Variants in ATP9B observed in about 807,000 individuals in gnomAD.
The protein encoded by ATP9B is ATPase phospholipid transporting 9B.
Under a neutral mutation model 146.1 loss-of-function variants are expected in ATP9B, and 110 were observed. The ratio of observed to expected loss-of-function variants is 0.75; its 90% CI spans 0.65 to 0.88. The LOEUF is 0.88. Among genes scored for constraint, ATP9B ranks in the 40% least tolerant of loss-of-function variants. The probability of loss-of-function intolerance (pLI) is 0.00; values close to 1 mark genes in which losing one functional copy is unlikely to be tolerated. For synonymous variants in ATP9B, 604 were observed against 569.7 expected (o/e 1.06, Z -0.86); for missense variants, 1,499 against 1,496.4 (o/e 1.00, Z -0.03).
chr18:79,344,122 C>A, intron 20 of ATP9B, 143 bp from the exon 21 acceptor site: 2 of 737,296 alleles, frequency 2.7e-6, no homozygotes, highest in Non-Finnish European at 2.3e-6. Context: ...GACCTTCTTC[C>A]GGGTCCAAAT....
intron 26 of ATP9B, chr18:79,361,786 A>T: frequency 1.0e-6 from 1 of 985,458 alleles, no homozygotes; most frequent in South Asian, 4.7e-5. Flanking sequence ...TTGTCTGATG[A>T]TCGGGGCAGC....
At chr18:79,192,802 A>T (rs1027510600) in intron 8 of ATP9B, among the ~76,000 whole-genome samples, 5 of 152,190 alleles carry the variant, frequency 3.3e-5, no homozygotes, top group African/African-American at 1.2e-4. Flanking sequence ...AAACTGTTTT[A>T]TAAAACTTGT....
At chr18:79,329,370 A>G in intron 16 of ATP9B, 68 bp downstream of exon 16, 9 of 1,401,106 alleles carry the variant, frequency 6.4e-6, no homozygotes, top group Non-Finnish European at 8.4e-6. Flanking sequence ...TTAAACACAG[A>G]TTTTCCCAAA....
At chr18:79,141,144 C>G (rs1019570012) in intron 5 of ATP9B, among the ~76,000 whole-genome samples, 2 of 152,104 alleles carry the variant, frequency 1.3e-5, no homozygotes, top group Non-Finnish European at 2.9e-5. Flanking sequence ...GGAGTGGTTA[C>G]CCCCATGCTG....
chr18:79,256,286 T>TATATATATACACACAC (rs398033647), intron 12 of ATP9B, among the ~76,000 whole-genome samples: 5 of 123,066 alleles, frequency 4.1e-5, no homozygotes, highest in African/African-American at 1.6e-4. Context: ...TATATATATA[T>TATATATATACACACAC]ACATACATAG....
At position 79,134,508 on chromosome 18, in the gene ATP9B, C is replaced by T. The variant is rs115304178; in HGVS notation, c.667+8133C>T. ...CATGTGGTGAGCACTCAGTGAACTG[C>T]GGGAGTCAAGAAAGAAAGAAGTTCC... On this transcript the variant is annotated intron_variant, in intron 5 of 29. Coordinates refer to ENST00000426216, the MANE Select transcript of ATP9B (RefSeq NM_198531.5). Among the ~76,000 whole-genome samples the T allele has an allele frequency of 4.9e-3, 742 of 152,214 alleles. 4 individuals are homozygous for T. Among genetic ancestry groups the T allele is most frequent in the South Asian group, 0.024 (118 of 4,818 alleles).
intron 7 of ATP9B, among the ~76,000 whole-genome samples, chr18:79,175,698 C>T (rs1013298813): frequency 6.6e-6 from 1 of 152,172 alleles, no homozygotes; most frequent in African/African-American, 2.4e-5. Context: ...GTTATACATG[C>T]ATATTATACA....
intron 29 of ATP9B, 199 bp downstream of exon 29, chr18:79,375,625 C>T: frequency 1.0e-6 from 1 of 985,436 alleles, no homozygotes; most frequent in Non-Finnish European, 1.2e-6. Flanking sequence ...TGTTCAGGGG[C>T]TTGGTGGCCC....
At chr18:79,264,538 GT>G (rs11350505) in intron 12 of ATP9B, among the ~76,000 whole-genome samples, 64,980 of 150,018 alleles carry the variant, frequency 0.43, 14,197 homozygotes, top group Middle Eastern at 0.54. Flanking sequence ...AATATATGAG[GT>G]TTTTTTTTTG....
At chr18:79,319,361 G>A (rs1568669075) in intron 15 of ATP9B, among the ~76,000 whole-genome samples, 2 of 152,116 alleles carry the variant, frequency 1.3e-5, no homozygotes, top group African/African-American at 4.8e-5. Flanking sequence ...GTTCCCTAGG[G>A]GTCCCTGCCT....
At chr18:79,218,045 A>G (rs2095644099) in intron 11 of ATP9B, among the ~76,000 whole-genome samples, 3 of 152,220 alleles carry the variant, frequency 2.0e-5, no homozygotes, top group Admixed American at 1.3e-4. Context: ...ATCGGTCAGG[A>G]TAGGCTGAGT....
intron 13 of ATP9B, 147 bp downstream of exon 13, chr18:79,277,343 CCTCTA>C: frequency 1.0e-6 from 1 of 994,814 alleles, no homozygotes; most frequent in South Asian, 1.8e-5. Context: ...AATTTTTCAG[CCTCTA>C]CTCTTGAAAC....
intron 11 of ATP9B, among the ~76,000 whole-genome samples, chr18:79,249,345 T>G (rs1021741905): frequency 2.0e-5 from 3 of 152,202 alleles, no homozygotes; most frequent in African/African-American, 7.2e-5. Flanking sequence ...AAATTTTCCC[T>G]TGGAGATTAA....
intron 8 of ATP9B, among the ~76,000 whole-genome samples, chr18:79,183,763 G>C (rs1291518891): frequency 6.9e-6 from 1 of 145,914 alleles, no homozygotes; most frequent in Non-Finnish European, 1.5e-5. Flanking sequence ...ACCATTTTTG[G>C]GGGGAGTATT....
At chr18:79,123,583 A>G (rs974329880) in intron 4 of ATP9B, among the ~76,000 whole-genome samples, 7 of 152,164 alleles carry the variant, frequency 4.6e-5, no homozygotes, top group South Asian at 2.1e-4. Flanking sequence ...CCTAAAATCC[A>G]TATGAAAATG....
At chr18:79,156,431 G>T (rs906937091) in intron 7 of ATP9B, among the ~76,000 whole-genome samples, 1 of 152,186 alleles carries the variant, frequency 6.6e-6, no homozygotes, top group African/African-American at 2.4e-5. Flanking sequence ...TGGTTAGATG[G>T]CCATGACTAG....
At chr18:79,325,680 C>T (rs1201800370) in intron 15 of ATP9B, among the ~76,000 whole-genome samples, 1 of 152,110 alleles carries the variant, frequency 6.6e-6, no homozygotes, top group Non-Finnish European at 1.5e-5. Context: ...GCAGTGGCAC[C>T]TGGGCAGCCC....
intron 11 of ATP9B, among the ~76,000 whole-genome samples, chr18:79,234,071 A>C (rs1388867317): frequency 6.6e-6 from 1 of 152,144 alleles, no homozygotes; most frequent in East Asian, 1.9e-4. Context: ...TTCAAGGGTC[A>C]ACTACAGGTA....
chr18:79,173,892 T>C lies in ATP9B; in HGVS notation c.779-2921T>C, dbSNP rs574339556. 2.7e-4 allele frequency among the ~76,000 whole-genome samples: 41 copies of C among 152,304 alleles called. No homozygotes were observed. The South Asian group carries it at 8.1e-3, about 30-fold the overall frequency. On this transcript the variant is annotated intron_variant, in intron 7 of 29. Coordinates refer to ENST00000426216, the MANE Select transcript of ATP9B (RefSeq NM_198531.5). ...TTGCCTATATCTTTAAAGAAAGTCT[T>C]CATGGGACAATGATAGTCATGAAGT...
Sources: gnomAD v4.1 joint callset for allele counts (sites outside exome capture counted in the v4.1 genomes callset) on GRCh38, gnomAD v4.1.1 for gene constraint, MANE v1.5 for transcripts, NCBI Gene and HGNC (gene_info 2026-07-23, HGNC 2026-07-21) for gene names.